Variants in THSD7B observed in about 807,000 individuals in gnomAD.
THSD7B encodes the protein thrombospondin type 1 domain containing 7B, also known as thrombospondin type-1 domain-containing protein 7B.
A neutral mutation model predicts 213.6 loss-of-function variants in THSD7B; 138 were observed. That is an observed-to-expected ratio of 0.65 (90% CI 0.56 to 0.74). THSD7B has a LOEUF of 0.74. Ranked by LOEUF, THSD7B falls within the 30% of genes least tolerant of loss-of-function variation. THSD7B has a pLI of 0.00. For missense variants in THSD7B, 1,931 were observed against 1,991.5 expected (o/e 0.97, Z 0.58); for synonymous variants, 742 against 687.0 (o/e 1.08, Z -1.25).
At chr2:137,627,184 C>T (rs1682647713) in intron 20 of THSD7B, among the ~76,000 whole-genome samples, 1 of 152,170 alleles carries the variant, frequency 6.6e-6, no homozygotes, top group African/African-American at 2.4e-5. Flanking sequence ...AAGAGCTAAT[C>T]CATTCCTGCA....
intron 12 of THSD7B, among the ~76,000 whole-genome samples, chr2:137,392,588 G>A (rs906382929): frequency 6.6e-6 from 1 of 151,918 alleles, no homozygotes; most frequent in East Asian, 1.9e-4. Context: ...GTTTCTGTTT[G>A]CATGGAATAT....
intron 15 of THSD7B, among the ~76,000 whole-genome samples, chr2:137,556,333 C>A (rs559585826): frequency 0.018 from 2,683 of 152,280 alleles, 96 homozygotes; most frequent in African/African-American, 0.062. Flanking sequence ...ATCAGACTAA[C>A]AGCTGATCTC....
intron 2 of THSD7B, among the ~76,000 whole-genome samples, chr2:136,984,870 G>A (rs1414439215): frequency 6.6e-6 from 1 of 152,156 alleles, no homozygotes; most frequent in Non-Finnish European, 1.5e-5. Context: ...AAATGGAAAT[G>A]AGGAAGTTAT....
chr2:137,377,780 C>A (rs1377468839), intron 12 of THSD7B, among the ~76,000 whole-genome samples: 2 of 151,974 alleles, frequency 1.3e-5, no homozygotes, highest in African/African-American at 2.4e-5. Context: ...GCATGAACCA[C>A]CATGCCTGGC....
At chr2:136,966,436 C>G (rs1685315299) in intron 2 of THSD7B, among the ~76,000 whole-genome samples, 1 of 152,096 alleles carries the variant, frequency 6.6e-6, no homozygotes, top group South Asian at 2.1e-4. Context: ...AGGGTGGTCT[C>G]AAACTCTTGG....
At chr2:137,236,640 C>A (rs1281983674) in intron 9 of THSD7B, among the ~76,000 whole-genome samples, 1 of 152,190 alleles carries the variant, frequency 6.6e-6, no homozygotes, top group African/African-American at 2.4e-5. Context: ...TTGTGAGATA[C>A]AGCAATAAAT....
intron 10 of THSD7B, among the ~76,000 whole-genome samples, chr2:137,260,750 G>C (rs1473071066): frequency 6.6e-6 from 1 of 152,194 alleles, no homozygotes; most frequent in East Asian, 1.9e-4. Flanking sequence ...AGGTGACAGA[G>C]TGAGACGCTG....
chr2:137,502,171 A>T (rs1156356320), intron 15 of THSD7B, among the ~76,000 whole-genome samples: 2 of 137,330 alleles, frequency 1.5e-5, no homozygotes, highest in Non-Finnish European at 3.3e-5. Flanking sequence ...TGGATTGATT[A>T]TTCTCCCACA....
intron 22 of THSD7B, among the ~76,000 whole-genome samples, chr2:137,656,214 A>C (rs1434866935): frequency 6.6e-6 from 1 of 152,194 alleles, no homozygotes; most frequent in Non-Finnish European, 1.5e-5. Flanking sequence ...TTCAAGTGAC[A>C]ATATGTTTTT....
intron 2 of THSD7B, among the ~76,000 whole-genome samples, chr2:137,013,233 A>G (rs1325346760): frequency 6.6e-6 from 1 of 152,210 alleles, no homozygotes; most frequent in African/African-American, 2.4e-5. Context: ...AAATAAATTG[A>G]CAAAATATAT....
At chr2:137,406,333 C>T (rs761455746) in intron 13 of THSD7B, among the ~76,000 whole-genome samples, 4 of 152,206 alleles carry the variant, frequency 2.6e-5, no homozygotes, top group African/African-American at 9.7e-5. Context: ...CTGTTTTCAG[C>T]TGCAAAAATT....
chr2:137,119,527 G>C (rs183411903), intron 5 of THSD7B, among the ~76,000 whole-genome samples: 1 of 152,226 alleles, frequency 6.6e-6, no homozygotes, highest in Admixed American at 6.5e-5. Flanking sequence ...CATGTTCTAA[G>C]GTGTGGGAGA....
chr2:137,411,394 A>G (rs186233113), intron 13 of THSD7B, among the ~76,000 whole-genome samples: 5 of 152,162 alleles, frequency 3.3e-5, no homozygotes, highest in Admixed American at 3.3e-4. Flanking sequence ...CAAACATTAA[A>G]CCATTTTCTA....
At position 137,508,833 on chromosome 2, in the gene THSD7B, G is replaced by A. The variant is rs143308145; in HGVS notation, c.3139-54388G>A. Reference sequence around the variant, plus strand: ...TAGAAAATACCCTGTGCCTAGAATCGTCCAGGGCCAGCAGTGTGGTCAGAG... The same window carrying A: ...TAGAAAATACCCTGTGCCTAGAATCATCCAGGGCCAGCAGTGTGGTCAGAG... On this transcript the variant is annotated intron_variant, in intron 15 of 27. Coordinates refer to ENST00000409968, the MANE Select transcript of THSD7B (RefSeq NM_001316349.2). Among the ~76,000 whole-genome samples, 101 of 152,084 alleles carry A rather than the reference G, an allele frequency of 6.6e-4. 1 individual carries two copies. Among genetic ancestry groups the A allele is most frequent in the African/African-American group, 2.2e-3 (90 of 41,480 alleles).
At chr2:136,833,141 G>A (rs996297208) in intron 1 of THSD7B, among the ~76,000 whole-genome samples, 4 of 151,910 alleles carry the variant, frequency 2.6e-5, no homozygotes, top group Admixed American at 1.3e-4. Context: ...CGAGGTGGGC[G>A]GATCACGAGG....
chr2:136,785,579 G>T lies in THSD7B; in HGVS notation c.-36+19892G>T, dbSNP rs1573637191. Among the ~76,000 whole-genome samples, 6 of 152,146 alleles carry T rather than the reference G, an allele frequency of 3.9e-5. No homozygotes were observed. The South Asian group carries it at 1.2e-3, about 32-fold the overall frequency. On this transcript the variant is annotated intron_variant, in intron 1 of 27. Transcript: ENST00000409968. Reference sequence around the variant, plus strand: ...CTCTTGTTTTCCATTAAACATGTCTGCTCTGTTTCAAACACACATCCAAGA... The same window carrying T: ...CTCTTGTTTTCCATTAAACATGTCTTCTCTGTTTCAAACACACATCCAAGA...
intron 20 of THSD7B, among the ~76,000 whole-genome samples, chr2:137,625,772 A>C (rs1489269822): frequency 1.3e-5 from 2 of 152,222 alleles, no homozygotes; most frequent in Admixed American, 1.3e-4. Context: ...TTCCCAAGGC[A>C]GCCCTGCTTC....
At chr2:137,093,739 A>T (rs1435992173) in intron 3 of THSD7B, among the ~76,000 whole-genome samples, 2 of 151,860 alleles carry the variant, frequency 1.3e-5, no homozygotes, top group Non-Finnish European at 2.9e-5. Context: ...GGCTGGTCAC[A>T]TTATCACATT....
At chr2:137,120,272 A>T (rs1223024663) in intron 5 of THSD7B, among the ~76,000 whole-genome samples, 1 of 152,160 alleles carries the variant, frequency 6.6e-6, no homozygotes. Context: ...AGCAAAGGGT[A>T]GCACAAGAGA....
Sources: gnomAD v4.1 joint callset for allele counts (sites outside exome capture counted in the v4.1 genomes callset) on GRCh38, gnomAD v4.1.1 for gene constraint, MANE v1.5 for transcripts, NCBI Gene and HGNC (gene_info 2026-07-23, HGNC 2026-07-21) for gene names.